GLT8D2: variants seen among roughly 807,000 people sequenced by gnomAD.
The protein encoded by GLT8D2 is glycosyltransferase 8 domain containing 2.
Under a neutral mutation model 44.5 loss-of-function variants are expected in GLT8D2, and 45 were observed. That is an observed-to-expected ratio of 1.01 (90% CI 0.80 to 1.30). The LOEUF (loss-of-function observed/expected upper bound fraction) is 1.30, where lower values mean the gene tolerates loss of function less well. Among genes scored for constraint, GLT8D2 ranks in the 50% most tolerant of loss-of-function variants. The pLI, the probability that GLT8D2 is intolerant of heterozygous loss-of-function variation, is 0.00. For synonymous variants in GLT8D2, 156 were observed against 157.2 expected, an observed-to-expected ratio of 0.99 and a Z score of 0.06; for missense variants, 400 against 430.4, an observed-to-expected ratio of 0.93 and a Z score of 0.62.
chr12:104,019,193 T>A (rs946583273), intron 3 of GLT8D2, among the ~76,000 whole-genome samples: 1 of 148,060 alleles, frequency 6.8e-6, no homozygotes. Context: ...AGTGGTGCAA[T>A]CTCAGCTCAC....
At chr12:104,002,402 T>C (rs1308905044) in intron 5 of GLT8D2, among the ~76,000 whole-genome samples, 2 of 152,242 alleles carry the variant, frequency 1.3e-5, no homozygotes, top group East Asian at 1.9e-4. Flanking sequence ...TTGTCTATAA[T>C]ACATGTTAAA....
At chr12:104,056,523 GATA>G in intron 1 of GLT8D2, among the ~76,000 whole-genome samples, 1 of 152,198 alleles carries the variant, frequency 6.6e-6, no homozygotes, top group Non-Finnish European at 1.5e-5. Flanking sequence ...ATAAAATCAT[GATA>G]ATGATAGAAA....
intron 10 of GLT8D2, 102 bp downstream of exon 10, chr12:103,993,290 C>A: frequency 1.2e-6 from 1 of 868,660 alleles, no homozygotes; most frequent in Non-Finnish European, 1.9e-6. Flanking sequence ...GAGATCACGC[C>A]ATTGCACTCC....
chr12:104,040,717 C>T lies in GLT8D2; in HGVS notation c.-164+9178G>A, dbSNP rs186035001. Among the ~76,000 whole-genome samples, 1,000 of 152,146 alleles carry T rather than the reference C, an allele frequency of 6.6e-3. 35 individuals carry two copies. Among genetic ancestry groups the T allele is most frequent in the Admixed American group, 0.06 (913 of 15,286 alleles). On this transcript the variant is annotated intron_variant, in intron 1 of 10. Coordinates refer to ENST00000360814, the MANE Select transcript of GLT8D2 (RefSeq NM_001384711.1). ...GGGATTACAGGCGTGAGCCACCACG[C>T]CCAGCCTAACAAATTGAAAAATTAA...
At chr12:104,058,914 CT>C (rs1255253697) in intron 1 of GLT8D2, among the ~76,000 whole-genome samples, 6 of 152,174 alleles carry the variant, frequency 3.9e-5, no homozygotes, top group African/African-American at 1.4e-4. Context: ...GCACCAAATC[CT>C]ATATACCTCT....
At chr12:104,046,779 A>G (rs1009452095) in intron 1 of GLT8D2, among the ~76,000 whole-genome samples, 1 of 152,154 alleles carries the variant, frequency 6.6e-6, no homozygotes, top group African/African-American at 2.4e-5. Flanking sequence ...TTTTTGCTAT[A>G]ATGAAAGGTT....
intron 1 of GLT8D2, among the ~76,000 whole-genome samples, chr12:104,037,376 C>T (rs1285893736): frequency 6.6e-6 from 1 of 152,066 alleles, no homozygotes; most frequent in Non-Finnish European, 1.5e-5. Flanking sequence ...AATCCAGGAG[C>T]TGGTTTTTTG....
intron 1 of GLT8D2, among the ~76,000 whole-genome samples, chr12:104,023,425 A>G (rs1878163277): frequency 6.6e-6 from 1 of 152,238 alleles, no homozygotes; most frequent in Non-Finnish European, 1.5e-5. Flanking sequence ...GTTCTGTATA[A>G]TAAACATTCA....
At chr12:104,039,061 T>C in intron 1 of GLT8D2, among the ~76,000 whole-genome samples, 1 of 152,084 alleles carries the variant, frequency 6.6e-6, no homozygotes, top group Admixed American at 6.6e-5. Context: ...TCCCTATTTA[T>C]TAAATGGTGA....
chr12:104,020,703 T>C (rs974440837), intron 2 of GLT8D2, among the ~76,000 whole-genome samples: 13 of 152,040 alleles, frequency 8.6e-5, no homozygotes. Flanking sequence ...ATTGAGGAGA[T>C]GGCATTGGAG....
upstream of GLT8D2, among the ~76,000 whole-genome samples, chr12:104,054,934 C>A (rs1025869961): frequency 6.6e-6 from 1 of 152,100 alleles, no homozygotes; most frequent in Non-Finnish European, 1.5e-5. Context: ...CAGCTCCCTC[C>A]AATAGGGTAA....
At chr12:103,998,254 A>G (rs533158202) in intron 6 of GLT8D2, among the ~76,000 whole-genome samples, 3 of 144,252 alleles carry the variant, frequency 2.1e-5, no homozygotes, top group Non-Finnish European at 4.5e-5. Flanking sequence ...TTCTTTTTTG[A>G]GACAGGGTCT....
At chr12:104,056,610 G>A (rs999133754) in intron 1 of GLT8D2, among the ~76,000 whole-genome samples, 3 of 152,190 alleles carry the variant, frequency 2.0e-5, no homozygotes, top group African/African-American at 7.2e-5. Context: ...TCCTTGCTTG[G>A]CATGGTAACA....
intron 10 of GLT8D2, among the ~76,000 whole-genome samples, chr12:103,989,981 A>G (rs751315174): frequency 2.1e-4 from 32 of 151,606 alleles, no homozygotes; most frequent in Non-Finnish European, 2.8e-4. Flanking sequence ...TTTATTGACC[A>G]AGTTCCTTAT....
Position 104,003,220 on chromosome 12 carries a change from C to T in GLT8D2, c.199G>A (p.Ala67Thr), listed in dbSNP as rs905138340. Reference sequence around the variant, plus strand: ...TTGCTGTAGATGCTATTGATGGCAGCCATAGTGGCACCCATCCTCCCTGCT... The same window carrying T: ...TTGCTGTAGATGCTATTGATGGCAGTCATAGTGGCACCCATCCTCCCTGCT... Reference protein sequence around the residue: ...AAAGRMGATMAAINSIYSNTD... With the variant: ...AAAGRMGATMTAINSIYSNTD... The change falls in exon 5 of 11, where the codon GCT (alanine) becomes ACT (threonine). Residue 67 changes from alanine (A) to threonine (T), a missense_variant. Coordinates refer to ENST00000360814, the MANE Select transcript of GLT8D2 (RefSeq NM_001384711.1). 6.2e-7 allele frequency: 1 copy of T among 1,614,034 alleles called. No individual in the cohort carries two copies. Among genetic ancestry groups the T allele is most frequent in the Non-Finnish European group, 8.5e-7 (1 of 1,179,922 alleles).
chr12:104,033,999 T>A (rs1016428273), intron 1 of GLT8D2, among the ~76,000 whole-genome samples: 19 of 152,126 alleles, frequency 1.2e-4, no homozygotes, highest in Non-Finnish European at 2.1e-4. Context: ...ATACATTTTT[T>A]ATTTGTTAAT....
At chr12:104,048,153 C>T (rs1048236909) in intron 1 of GLT8D2, among the ~76,000 whole-genome samples, 10 of 152,170 alleles carry the variant, frequency 6.6e-5, no homozygotes, top group African/African-American at 2.4e-4. Context: ...AAGGCATCCC[C>T]TTGGATGAGC....
intron 1 of GLT8D2, among the ~76,000 whole-genome samples, chr12:104,057,330 G>A (rs752776949): frequency 4.6e-5 from 7 of 152,032 alleles, no homozygotes; most frequent in Non-Finnish European, 1.0e-4. Context: ...AGACCAGCCT[G>A]AGCAACATAG....
intron 1 of GLT8D2, among the ~76,000 whole-genome samples, chr12:104,044,793 A>C (rs1880912681): frequency 6.6e-6 from 1 of 152,176 alleles, no homozygotes; most frequent in South Asian, 2.1e-4. Flanking sequence ...GAGTAGCCTT[A>C]ATTTTTTGTT....
Sources: allele counts gnomAD v4.1 joint callset (sites outside exome capture counted in the v4.1 genomes callset), GRCh38; gene constraint gnomAD v4.1.1; transcripts MANE v1.5; gene names NCBI Gene and HGNC (gene_info 2026-07-23, HGNC 2026-07-21).